Variants in RFC2 observed in about 807,000 individuals in gnomAD.
RFC2 encodes the protein replication factor C subunit 2.
In RFC2, 34 loss-of-function variants were observed where a neutral mutation model predicts 44.8. The ratio of observed to expected loss-of-function variants is 0.76; its 90% CI spans 0.58 to 1.01. RFC2 has a LOEUF of 1.01. Among genes scored for constraint, RFC2 ranks in the 50% least tolerant of loss-of-function variants. The probability of loss-of-function intolerance (pLI) is 0.00; values close to 1 mark genes in which losing one functional copy is unlikely to be tolerated. For missense variants in RFC2, 400 were observed against 453.6 expected, an observed-to-expected ratio of 0.88 and a Z score of 1.07; for synonymous variants, 177 against 168.9, an observed-to-expected ratio of 1.05 and a Z score of -0.37.
At chr7:74,235,717 C>G in intron 9 of RFC2, 72 bp from the exon 10 acceptor site, 1 of 1,043,760 alleles carries the variant, frequency 9.6e-7, no homozygotes, top group Non-Finnish European at 1.5e-6. Context: ...TGAGACTCAC[C>G]ACAGCTGGTG....
intron 4 of RFC2, 67 bp downstream of exon 4, chr7:74,248,945 G>T: frequency 2.7e-6 from 3 of 1,102,810 alleles, no homozygotes; most frequent in African/African-American, 1.5e-5. Flanking sequence ...TGCTGAGAAA[G>T]GTTGTTTCTG....
chr7:74,237,497 G>A (rs1563987802), intron 8 of RFC2, 55 bp from the exon 9 acceptor site: 1 of 1,258,236 alleles, frequency 7.9e-7, no homozygotes, highest in Non-Finnish European at 1.1e-6. Context: ...ATGTGAGCGG[G>A]GAGGCCCCAA....
chr7:74,232,847 A>G (rs569378758), intron 10 of RFC2, among the ~76,000 whole-genome samples: 93 of 152,308 alleles, frequency 6.1e-4, no homozygotes, highest in African/African-American at 2.2e-3. Flanking sequence ...CCTGGGCAAC[A>G]GAGCAAGACT....
At chr7:74,233,175 C>T (rs1267859415) in intron 10 of RFC2, among the ~76,000 whole-genome samples, 2 of 152,150 alleles carry the variant, frequency 1.3e-5, no homozygotes, top group Non-Finnish European at 2.9e-5. Flanking sequence ...CGCACCACTG[C>T]ACTCCAGCCT....
intron 1 of RFC2, 120 bp downstream of exon 1, chr7:74,254,151 C>T: frequency 1.3e-6 from 1 of 750,858 alleles, no homozygotes; most frequent in East Asian, 2.7e-5. Context: ...CCCGGGGCCT[C>T]CTCCTCCCTC....
intron 7 of RFC2, among the ~76,000 whole-genome samples, chr7:74,239,651 T>A (rs1803215706): frequency 6.6e-6 from 1 of 151,746 alleles, no homozygotes; most frequent in Admixed American, 6.6e-5. Flanking sequence ...AATTTTTTAA[T>A]TTTTTTTAGT....
At chr7:74,236,473 C>T (rs1221114357) in intron 9 of RFC2, among the ~76,000 whole-genome samples, 1 of 152,150 alleles carries the variant, frequency 6.6e-6, no homozygotes, top group African/African-American at 2.4e-5. Context: ...CCTTGAACCA[C>T]ACCAACCACA....
chr7:74,253,874 T>C (rs1315238916), intron 1 of RFC2, among the ~76,000 whole-genome samples: 1 of 152,134 alleles, frequency 6.6e-6, no homozygotes, highest in African/African-American at 2.4e-5. Flanking sequence ...AAATTTCAAA[T>C]GTAAATGTTA....
intron 6 of RFC2, among the ~76,000 whole-genome samples, chr7:74,241,176 CT>C (rs1353841086): frequency 1.3e-5 from 2 of 152,216 alleles, no homozygotes; most frequent in Non-Finnish European, 2.9e-5. Context: ...GGGGATCCAC[CT>C]GCCTCGGCCT....
intron 4 of RFC2, among the ~76,000 whole-genome samples, chr7:74,248,116 A>G (rs1803728480): frequency 6.6e-6 from 1 of 151,936 alleles, no homozygotes; most frequent in Non-Finnish European, 1.5e-5. Flanking sequence ...CACTTTAAAT[A>G]TACAGGCTGA....
chr7:74,243,114 G>C lies in RFC2; in HGVS notation c.535+32C>G. On this transcript the variant is annotated intron_variant, in intron 6 of 10. Transcript: ENST00000055077. ...AGAAAAAAGCCCAGTTGAGCACCAC[G>C]TGGCCCCCAGCCACCGAAAGCTCCC... The C allele has an allele frequency of 1.4e-6, 2 of 1,438,966 alleles. 1 individual carries two copies. Among genetic ancestry groups the C allele is most frequent in the South Asian group, 2.3e-5 (2 of 87,386 alleles). 89.1% of individuals were successfully genotyped at this position (1,438,966 alleles called of 1,614,324 possible).
intron 10 of RFC2, among the ~76,000 whole-genome samples, chr7:74,235,099 C>T (rs1272294218): frequency 6.6e-6 from 1 of 151,998 alleles, no homozygotes; most frequent in Non-Finnish European, 1.5e-5. Flanking sequence ...TGCAGTGGTG[C>T]GATCTTGGCT....
intron 10 of RFC2, among the ~76,000 whole-genome samples, chr7:74,234,378 T>C (rs1802891058): frequency 6.6e-6 from 1 of 152,164 alleles, no homozygotes; most frequent in Admixed American, 6.6e-5. Flanking sequence ...ATGGTGATAG[T>C]GTTTGCATGA....
intron 5 of RFC2, among the ~76,000 whole-genome samples, chr7:74,246,345 G>A (rs565188709): frequency 6.6e-6 from 1 of 150,630 alleles, no homozygotes; most frequent in Admixed American, 6.6e-5. Flanking sequence ...GTTGCAGTGA[G>A]CAGAGATCAC....
At chr7:74,245,688 G>C (rs527971891) in intron 5 of RFC2, among the ~76,000 whole-genome samples, 1 of 148,790 alleles carries the variant, frequency 6.7e-6, no homozygotes. Flanking sequence ...ACTCCAGCCT[G>C]GGCGACAGAG....
At chr7:74,251,992 C>A (rs192702951) in intron 2 of RFC2, among the ~76,000 whole-genome samples, 7 of 138,904 alleles carry the variant, frequency 5.0e-5, no homozygotes, top group African/African-American at 1.8e-4. Context: ...CCAGTTACTC[C>A]GGAGGCTGAG....
At chr7:74,232,476 G>T (rs1401707190) in intron 10 of RFC2, among the ~76,000 whole-genome samples, 4 of 152,068 alleles carry the variant, frequency 2.6e-5, no homozygotes, top group Non-Finnish European at 4.4e-5. Flanking sequence ...TGGGGCGAGG[G>T]GGGGCGGGGT....
At chr7:74,251,689 T>G (rs1340352464) in intron 2 of RFC2, among the ~76,000 whole-genome samples, 2 of 144,244 alleles carry the variant, frequency 1.4e-5, no homozygotes, top group Non-Finnish European at 1.5e-5. Flanking sequence ...TCCCAGCTAC[T>G]GGGGAGGCTG....
chr7:74,242,691 C>T (rs554335749), intron 6 of RFC2, among the ~76,000 whole-genome samples: 10 of 145,140 alleles, frequency 6.9e-5, no homozygotes, highest in Admixed American at 1.5e-4. Flanking sequence ...CCGAGGCAGG[C>T]GATCACGAGG....
Sources: gnomAD v4.1 joint callset for allele counts (sites outside exome capture counted in the v4.1 genomes callset) on GRCh38, gnomAD v4.1.1 for gene constraint, MANE v1.5 for transcripts, NCBI Gene and HGNC (gene_info 2026-07-23, HGNC 2026-07-21) for gene names.